The following GPC6 variants were observed in gnomAD, a reference collection of about 807,000 sequenced individuals.
The protein encoded by GPC6 is glypican 6, also known as glypican-6.
In GPC6, 14 loss-of-function variants were observed where a neutral mutation model predicts 55.2. That is an observed-to-expected ratio of 0.25 (90% CI 0.17 to 0.40). GPC6 has a LOEUF of 0.40. Among genes scored for constraint, GPC6 ranks in the 10% least tolerant of loss-of-function variants. The probability of loss-of-function intolerance (pLI) is 1.00; values close to 1 mark genes in which losing one functional copy is unlikely to be tolerated. For missense variants in GPC6, 641 were observed against 708.5 expected, an observed-to-expected ratio of 0.90 and a Z score of 1.08; for synonymous variants, 278 against 259.6, an observed-to-expected ratio of 1.07 and a Z score of -0.68.
At position 93,723,995 on chromosome 13, in the gene GPC6, G is replaced by C. The variant is rs74108606; in HGVS notation, c.320-106159G>C. Reference sequence around the variant, plus strand: ...TTTGTGTTTTACTCCTAAGGGTGAAGCACCTGTAATTTTTAGGGCTTAAGA... The same window carrying C: ...TTTGTGTTTTACTCCTAAGGGTGAACCACCTGTAATTTTTAGGGCTTAAGA... On this transcript the variant is annotated intron_variant, in intron 2 of 8. Transcript: ENST00000377047. 8.1e-3 allele frequency among the ~76,000 whole-genome samples: 1,238 copies of C among 151,968 alleles called. 15 individuals carry two copies. Among genetic ancestry groups the C allele is most frequent in the African/African-American group, 0.028 (1,163 of 41,484 alleles).
chr13:93,754,985 C>T (rs897458693), intron 2 of GPC6, among the ~76,000 whole-genome samples: 17 of 152,226 alleles, frequency 1.1e-4, no homozygotes, highest in East Asian at 3.9e-4. Flanking sequence ...TTATTTTACA[C>T]GTACATGTAC....
At chr13:93,225,539 G>C (rs1196377211), upstream of GPC6, among the ~76,000 whole-genome samples, 2 of 149,010 alleles carry the variant, frequency 1.3e-5, no homozygotes, top group Non-Finnish European at 2.9e-5. Context: ...GTTTTGTCTT[G>C]ACCTATGAGT....
intron 2 of GPC6, among the ~76,000 whole-genome samples, chr13:93,820,946 A>G (rs1200528929): frequency 6.6e-6 from 1 of 152,190 alleles, no homozygotes; most frequent in African/African-American, 2.4e-5. Context: ...AAAATACTGA[A>G]AGAAAAGGAA....
intron 3 of GPC6, among the ~76,000 whole-genome samples, chr13:93,925,689 G>A (rs1877822332): frequency 6.6e-6 from 1 of 152,166 alleles, no homozygotes. Context: ...GGTTCTCTGT[G>A]CCTGGAATTT....
intron 2 of GPC6, among the ~76,000 whole-genome samples, chr13:93,765,308 T>TTCCAGATAAGCTGTCTGGA: frequency 1.1e-3 from 169 of 148,552 alleles, no homozygotes; most frequent in East Asian, 1.8e-3. Flanking sequence ...AAAGACAACT[T>TTCCAGATAAGCTGTCTGGA]ATTTGGTTTA....
At chr13:94,146,427 A>G (rs1259509778) in intron 4 of GPC6, among the ~76,000 whole-genome samples, 1 of 152,148 alleles carries the variant, frequency 6.6e-6, no homozygotes, top group South Asian at 2.1e-4. Flanking sequence ...TACCTTCAAC[A>G]ATTATTATTA....
intron 2 of GPC6, among the ~76,000 whole-genome samples, chr13:93,720,761 TTG>T (rs1389735198): frequency 6.6e-6 from 1 of 152,074 alleles, no homozygotes; most frequent in Non-Finnish European, 1.5e-5. Flanking sequence ...TTCTGGTACG[TTG>T]TGTCTTTGTT....
At chr13:94,272,706 A>G (rs535587610) in intron 4 of GPC6, among the ~76,000 whole-genome samples, 25 of 151,866 alleles carry the variant, frequency 1.6e-4, no homozygotes, top group East Asian at 5.8e-4. Context: ...CTGACCTCAT[A>G]ATCCGCCCAC....
At chr13:94,376,998 T>C (rs914246414) in intron 6 of GPC6, among the ~76,000 whole-genome samples, 3 of 151,870 alleles carry the variant, frequency 2.0e-5, no homozygotes, top group African/African-American at 7.3e-5. Flanking sequence ...GCTAGCCATA[T>C]GTAGAAAGCT....
chr13:93,866,479 C>A (rs548322813), intron 3 of GPC6, among the ~76,000 whole-genome samples: 3 of 151,856 alleles, frequency 2.0e-5, no homozygotes, highest in South Asian at 4.1e-4. Context: ...AAATTCCCAT[C>A]AGTGATAGAC....
chr13:94,337,229 C>G (rs1334007768), intron 6 of GPC6, among the ~76,000 whole-genome samples: 1 of 152,136 alleles, frequency 6.6e-6, no homozygotes, highest in African/African-American at 2.4e-5. Flanking sequence ...GGCTTTGACT[C>G]ATTGGCAGGG....
intron 4 of GPC6, among the ~76,000 whole-genome samples, chr13:94,125,297 A>G (rs951964855): frequency 2.0e-5 from 3 of 152,144 alleles, no homozygotes; most frequent in African/African-American, 7.2e-5. Flanking sequence ...TGTATCTCAA[A>G]AAAAGGAACC....
In GPC6 at chr13:93,942,454, G is replaced by A. The variant is rs147930991; in HGVS notation, c.712-85275G>A. On this transcript the variant is annotated intron_variant, in intron 3 of 8. Coordinates refer to ENST00000377047, the MANE Select transcript of GPC6 (RefSeq NM_005708.5). ...CCCACCTCAGCCTCCTGAGGAGTTG[G>A]GACTACAGGCACCTGCCACCATGCC... 2.3e-3 allele frequency among the ~76,000 whole-genome samples: 355 copies of A among 152,222 alleles called. 1 individual carries two copies. Among genetic ancestry groups the A allele is most frequent in the African/African-American group, 8.4e-3 (348 of 41,550 alleles).
rs78569605 is a variant in GPC6 at position 93,703,739 on chromosome 13, T to A, written c.320-126415T>A. On this transcript the variant is annotated intron_variant, in intron 2 of 8. Transcript: ENST00000377047. ...CACTTTTAGAACTATCTACTTAATA[T>A]TTGAAGTTTGGGGGAGGAGTGGTAC... 1.5e-3 allele frequency among the ~76,000 whole-genome samples: 230 copies of A among 152,032 alleles called. 5 individuals are homozygous for A. In the East Asian group the frequency reaches 0.039, roughly 25 times the overall value.
chr13:93,469,798 T>G (rs186456205), intron 1 of GPC6, among the ~76,000 whole-genome samples: 31 of 152,228 alleles, frequency 2.0e-4, no homozygotes, highest in African/African-American at 7.5e-4. Flanking sequence ...AGGTTTTTTT[T>G]GTTGTTGGTG....
At chr13:93,973,984 A>G (rs1296453310) in intron 3 of GPC6, among the ~76,000 whole-genome samples, 1 of 152,206 alleles carries the variant, frequency 6.6e-6, no homozygotes, top group East Asian at 1.9e-4. Flanking sequence ...TTAGGCGTCT[A>G]GGTCAGGTTT....
intron 1 of GPC6, among the ~76,000 whole-genome samples, chr13:93,431,640 C>G (rs1566353524): frequency 1.3e-5 from 2 of 152,052 alleles, no homozygotes; most frequent in East Asian, 3.9e-4. Flanking sequence ...GTCTTAAAAT[C>G]TTACATATGA....
intron 2 of GPC6, among the ~76,000 whole-genome samples, chr13:93,695,461 A>G (rs913190579): frequency 6.6e-6 from 1 of 151,934 alleles, no homozygotes; most frequent in Non-Finnish European, 1.5e-5. Flanking sequence ...TATAATTTAA[A>G]TATTTATTTC....
chr13:93,660,285 T>C (rs1880868082), intron 2 of GPC6, among the ~76,000 whole-genome samples: 1 of 152,164 alleles, frequency 6.6e-6, no homozygotes, highest in Non-Finnish European at 1.5e-5. Context: ...AATGTTATTT[T>C]TCAATTCCTG....
Sources: gnomAD v4.1 joint callset for allele counts (sites outside exome capture counted in the v4.1 genomes callset) on GRCh38, gnomAD v4.1.1 for gene constraint, MANE v1.5 for transcripts, NCBI Gene and HGNC (gene_info 2026-07-23, HGNC 2026-07-21) for gene names.